CCDC172: variants seen among roughly 807,000 people sequenced by gnomAD.
CCDC172 encodes the protein coiled-coil domain containing 172.
A neutral mutation model predicts 38.0 loss-of-function variants in CCDC172; 30 were observed. The observed-to-expected ratio is 0.79, with a 90% CI of 0.59 to 1.07. CCDC172 has a LOEUF of 1.07. Among genes scored for constraint, CCDC172 ranks in the 50% least tolerant of loss-of-function variants. The probability of loss-of-function intolerance (pLI) is 0.00; values close to 1 mark genes in which losing one functional copy is unlikely to be tolerated. For synonymous variants in CCDC172, 78 were observed against 88.3 expected (o/e 0.88, Z 0.66); for missense variants, 297 against 290.1 (o/e 1.02, Z -0.17).
intron 7 of CCDC172, among the ~76,000 whole-genome samples, chr10:116,374,192 G>T (rs1845218442): frequency 6.6e-6 from 1 of 152,048 alleles, no homozygotes; most frequent in South Asian, 2.1e-4. Flanking sequence ...AACCCGTATT[G>T]CACTTAATGA....
chr10:116,376,533 C>T (rs756005085), intron 7 of CCDC172, among the ~76,000 whole-genome samples: 22 of 152,172 alleles, frequency 1.4e-4, no homozygotes, highest in African/African-American at 2.7e-4. Context: ...CTATTTTCCA[C>T]ATTAAATACA....
intron 2 of CCDC172, 77 bp from the exon 3 acceptor site, chr10:116,325,226 A>C: frequency 6.8e-7 from 1 of 1,475,720 alleles, no homozygotes; most frequent in South Asian, 1.2e-5. Flanking sequence ...AGACAACTGA[A>C]AGGTGGCTTA....
rs1391508547 is a variant in CCDC172, at chr10:116,357,426, A to G, written c.495A>G (p.Gln165=). The G allele has an allele frequency of 3.2e-6, 5 of 1,585,676 alleles. No homozygotes were observed. The highest frequency in any genetic ancestry group is 2.3e-5 in the East Asian group (1 of 43,140). The change falls in exon 6 of 9, where the codon CAA becomes CAG. Residue 165 remains glutamine (Q), a synonymous_variant. Coordinates refer to ENST00000333254, the MANE Select transcript of CCDC172 (RefSeq NM_198515.3). ...EHDSSQLNEL[Q]KQKSELIQEL... ...ATAGTAGCCAGTTAAATGAACTTCA[A>G]AAACAAAAGAGTGAATTGATACAAG...
rs1795089138 is a variant in CCDC172 at position 116,342,128 on chromosome 10, A to G, written c.375A>G (p.Arg125=). ...FNNDYEITKK[R]ELLMKENVKI... ...ATGATTATGAAATAACAAAGAAAAG[A>G]GAGCTTTTGATGAAAGAAAATGTCA... Residue 125 remains arginine, a synonymous_variant, in exon 5 of 9, where the codon AGA becomes AGG. Coordinates refer to ENST00000333254, the MANE Select transcript of CCDC172 (RefSeq NM_198515.3). The G allele has an allele frequency of 6.4e-7, 1 of 1,551,772 alleles. No individual in the cohort carries two copies. The highest frequency in any genetic ancestry group is 8.6e-7 in the Non-Finnish European group (1 of 1,159,106).
intron 4 of CCDC172, 121 bp downstream of exon 4, chr10:116,340,971 T>A: frequency 1.5e-6 from 1 of 687,870 alleles, no homozygotes; most frequent in Non-Finnish European, 2.6e-6. Flanking sequence ...ACTGCTCAGA[T>A]ACAGGAAAGT....
chr10:116,341,117 C>G (rs890511430), intron 4 of CCDC172, among the ~76,000 whole-genome samples: 1 of 151,910 alleles, frequency 6.6e-6, no homozygotes, highest in African/African-American at 2.4e-5. Flanking sequence ...ATTGCTCAAG[C>G]ATTGAGACCT....
chr10:116,378,164 G>A (rs1406838534), intron 7 of CCDC172, among the ~76,000 whole-genome samples: 1 of 152,154 alleles, frequency 6.6e-6, no homozygotes, highest in Non-Finnish European at 1.5e-5. Context: ...CTGGATGACA[G>A]AGCGAGACTC....
At chr10:116,373,590 C>T (rs1845211761) in intron 7 of CCDC172, among the ~76,000 whole-genome samples, 1 of 152,134 alleles carries the variant, frequency 6.6e-6, no homozygotes, top group African/African-American at 2.4e-5. Flanking sequence ...CTGTAACCTC[C>T]GTCTCTGGGG....
At chr10:116,369,331 C>A (rs1845159869) in intron 7 of CCDC172, among the ~76,000 whole-genome samples, 1 of 151,868 alleles carries the variant, frequency 6.6e-6, no homozygotes, top group South Asian at 2.1e-4. Context: ...ATTCTCTATC[C>A]TACTGCATTT....
In CCDC172 at chr10:116,342,016, C is replaced by G. The variant is rs1565714505; in HGVS notation, c.283-20C>G. 4.2e-6 allele frequency: 6 copies of G among 1,435,096 alleles called. No individual in the cohort carries two copies. The highest frequency in any genetic ancestry group is 4.6e-6 in the Non-Finnish European group (5 of 1,077,196). The allele number at this position is 1,435,096 out of a possible 1,614,324, so 88.9% of individuals were successfully genotyped here. On this transcript the variant is annotated intron_variant, in intron 4 of 8. Transcript: ENST00000333254. The stretch of plus-strand genomic sequence containing the variant: ...ATTGCAACTAACACCTATATTTGAT[C>G]TTTTATTTATGTTTTTCAGGAGGCT...
At chr10:116,352,549 T>C (rs774295192) in intron 5 of CCDC172, among the ~76,000 whole-genome samples, 2 of 152,024 alleles carry the variant, frequency 1.3e-5, no homozygotes, top group Non-Finnish European at 1.5e-5. Flanking sequence ...AGAAGAAATA[T>C]TTGACAAAAT....
chr10:116,357,216 G>A (rs986385736), intron 5 of CCDC172, among the ~76,000 whole-genome samples, 164 bp from the exon 6 acceptor site: 6 of 151,946 alleles, frequency 3.9e-5, no homozygotes, highest in Admixed American at 6.6e-5. Context: ...TTTTAACAAC[G>A]TTAATTCTTC....
chr10:116,371,882 A>G (rs1387270712), intron 7 of CCDC172, among the ~76,000 whole-genome samples: 1 of 152,092 alleles, frequency 6.6e-6, no homozygotes, highest in Non-Finnish European at 1.5e-5. Flanking sequence ...TGATTTAAAC[A>G]AATTTCTTCC....
chr10:116,336,171 A>G (rs1844730126), intron 3 of CCDC172, among the ~76,000 whole-genome samples: 3 of 150,390 alleles, frequency 2.0e-5, no homozygotes, highest in Admixed American at 6.7e-5. Flanking sequence ...CCATTTCAAC[A>G]ACAACAAAAA....
intron 7 of CCDC172, among the ~76,000 whole-genome samples, chr10:116,371,635 A>G (rs1845187013): frequency 6.6e-6 from 1 of 152,020 alleles, no homozygotes; most frequent in Admixed American, 6.6e-5. Flanking sequence ...GTCTCAAAGT[A>G]TTTTTGCTTT....
At chr10:116,370,108 T>C (rs1387188885) in intron 7 of CCDC172, among the ~76,000 whole-genome samples, 4 of 151,932 alleles carry the variant, frequency 2.6e-5, no homozygotes, top group Non-Finnish European at 5.9e-5. Context: ...TAATCCTTTA[T>C]CTGTGACATA....
At chr10:116,377,619 G>T (rs936302129) in intron 7 of CCDC172, among the ~76,000 whole-genome samples, 2 of 152,114 alleles carry the variant, frequency 1.3e-5, no homozygotes, top group Admixed American at 1.3e-4. Flanking sequence ...GGAAAAGAAA[G>T]ATGTTGCTTT....
At chr10:116,362,928 GTTA>G (rs1369749634) in intron 7 of CCDC172, among the ~76,000 whole-genome samples, 2 of 152,084 alleles carry the variant, frequency 1.3e-5, no homozygotes, top group Admixed American at 1.3e-4. Flanking sequence ...ACATACTGTA[GTTA>G]TTAAAGCTTC....
At chr10:116,340,664 C>G in intron 3 of CCDC172, 70 bp from the exon 4 acceptor site, 3 of 736,752 alleles carry the variant, frequency 4.1e-6, no homozygotes, top group South Asian at 3.4e-5. Context: ...CAAATCTTCT[C>G]TGTTACCTAA....
Sources: gnomAD v4.1 joint callset for allele counts (sites outside exome capture counted in the v4.1 genomes callset) on GRCh38, gnomAD v4.1.1 for gene constraint, MANE v1.5 for transcripts, NCBI Gene and HGNC (gene_info 2026-07-23, HGNC 2026-07-21) for gene names.